The following PDE8A variants were observed in gnomAD, a reference collection of about 807,000 sequenced individuals.
PDE8A encodes the protein high affinity cAMP-specific and IBMX-insensitive 3',5'-cyclic phosphodiesterase 8A.
Under a neutral mutation model 105.0 loss-of-function variants are expected in PDE8A, and 59 were observed. The ratio of observed to expected loss-of-function variants is 0.56; its 90% CI spans 0.46 to 0.70. PDE8A has a LOEUF of 0.70. Ranked by LOEUF, PDE8A falls within the 30% of genes least tolerant of loss-of-function variation. PDE8A has a pLI of 0.00. For synonymous variants in PDE8A, 355 were observed against 371.9 expected (o/e 0.95, Z 0.52); for missense variants, 1,014 against 1,045.9 (o/e 0.97, Z 0.42).
intron 1 of PDE8A, among the ~76,000 whole-genome samples, chr15:85,036,278 A>G (rs1401051712): frequency 6.6e-6 from 1 of 152,064 alleles, no homozygotes; most frequent in South Asian, 2.1e-4. Context: ...TTCTACATCA[A>G]TTCAAAGACC....
rs1012112243 is a variant in PDE8A at position 85,095,603 on chromosome 15, A to G, written c.853-2345A>G. On this transcript the variant is annotated intron_variant, in intron 8 of 21. Transcript: ENST00000394553. Reference sequence around the variant, plus strand: ...TCGTGATCTGCCTGCCTCGGCCTCCAGAAGTGCTGGGATTACAGGCGTGAG... The same window carrying G: ...TCGTGATCTGCCTGCCTCGGCCTCCGGAAGTGCTGGGATTACAGGCGTGAG... Among the ~76,000 whole-genome samples the G allele has an allele frequency of 3.9e-5, 6 of 152,044 alleles. No homozygotes were observed. The East Asian group carries it at 7.8e-4, about 20-fold the overall frequency.
intron 17 of PDE8A, 82 bp from the exon 18 acceptor site, chr15:85,120,715 A>G: frequency 2.5e-6 from 2 of 802,822 alleles, no homozygotes; most frequent in Non-Finnish European, 4.0e-6. Flanking sequence ...CCTGAAAGTA[A>G]TAGGGGAGAA....
At chr15:85,043,149 C>G (rs1412004924) in intron 1 of PDE8A, among the ~76,000 whole-genome samples, 1 of 152,104 alleles carries the variant, frequency 6.6e-6, no homozygotes, top group South Asian at 2.1e-4. Context: ...GTAAATATTC[C>G]TGAAATAGAT....
At chr15:85,005,311 T>G (rs571688925) in intron 1 of PDE8A, among the ~76,000 whole-genome samples, 12 of 152,242 alleles carry the variant, frequency 7.9e-5, no homozygotes, top group African/African-American at 2.6e-4. Context: ...AGAAAGGTTC[T>G]CACTATATTG....
rs142262737 is a variant in PDE8A at position 85,129,191 on chromosome 15, C to G, written c.2253+2817C>G. On this transcript the variant is annotated intron_variant, in intron 20 of 21. Coordinates refer to ENST00000394553, the MANE Select transcript of PDE8A (RefSeq NM_002605.3). Reference sequence around the variant, plus strand: ...TTAAGGATTTGTGCATCAGTATTTACAGGGGATATTGGCCTGCAATTTTCT... The same window carrying G: ...TTAAGGATTTGTGCATCAGTATTTAGAGGGGATATTGGCCTGCAATTTTCT... Among the ~76,000 whole-genome samples, 744 of 152,264 alleles carry G rather than the reference C, an allele frequency of 4.9e-3. 1 individual carries two copies. The highest frequency in any genetic ancestry group is 9.9e-3 in the South Asian group (48 of 4,826).
intron 20 of PDE8A, among the ~76,000 whole-genome samples, chr15:85,135,151 T>C (rs2082388528): frequency 6.6e-6 from 1 of 152,110 alleles, no homozygotes; most frequent in Non-Finnish European, 1.5e-5. Context: ...GCGAGTGAGT[T>C]CTGCCAGCTA....
chr15:85,125,369 C>G (rs1395761656), intron 19 of PDE8A, among the ~76,000 whole-genome samples: 3 of 152,118 alleles, frequency 2.0e-5, no homozygotes. Context: ...GCTCTCTGCC[C>G]CAATACCCTC....
At chr15:85,122,181 C>T (rs1567301269) in intron 18 of PDE8A, among the ~76,000 whole-genome samples, 1 of 152,096 alleles carries the variant, frequency 6.6e-6, no homozygotes, top group Non-Finnish European at 1.5e-5. Context: ...GCACGTATCA[C>T]ATTTCTTATT....
chr15:85,023,686 G>A (rs923290496), intron 1 of PDE8A, among the ~76,000 whole-genome samples: 1 of 152,172 alleles, frequency 6.6e-6, no homozygotes, highest in African/African-American at 2.4e-5. Context: ...GGCTGATGAG[G>A]GGCTGGAGTG....
At position 85,121,024 on chromosome 15, in the gene PDE8A, A is replaced by G. The variant is rs998212522; in HGVS notation, c.1952+10A>G. The G allele has an allele frequency of 1.7e-5, 26 of 1,535,178 alleles. No individual in the cohort carries two copies. Among genetic ancestry groups the G allele is most frequent in the Admixed American group, 6.8e-5 (4 of 58,450 alleles). On this transcript the variant is annotated intron_variant, in intron 18 of 21. Coordinates refer to ENST00000394553, the MANE Select transcript of PDE8A (RefSeq NM_002605.3). ...TTAAAAACATGGAGAGGTAAGAACA[A>G]TGATTGGGAAGTGTGTTGATCCCTC...
intron 1 of PDE8A, among the ~76,000 whole-genome samples, chr15:85,045,521 C>T (rs980397110): frequency 2.0e-5 from 3 of 152,198 alleles, no homozygotes; most frequent in Admixed American, 1.3e-4. Flanking sequence ...AGTTAATGAG[C>T]TTACCTTGCT....
chr15:85,033,634 A>T (rs1489036196), intron 1 of PDE8A, among the ~76,000 whole-genome samples: 2 of 152,052 alleles, frequency 1.3e-5, no homozygotes, highest in Admixed American at 1.3e-4. Context: ...GGAGACTGAG[A>T]TGGGCAGATC....
At chr15:85,059,771 G>T (rs1396683284) in intron 1 of PDE8A, among the ~76,000 whole-genome samples, 2 of 152,142 alleles carry the variant, frequency 1.3e-5, no homozygotes, top group African/African-American at 4.8e-5. Context: ...TCTGTCTTTT[G>T]ATTGGAGAGT....
At chr15:85,069,498 C>A (rs1270533992) in intron 3 of PDE8A, among the ~76,000 whole-genome samples, 1 of 152,172 alleles carries the variant, frequency 6.6e-6, no homozygotes, top group East Asian at 1.9e-4. Context: ...TCCCCCCACC[C>A]CAGACATCTT....
At chr15:85,084,063 T>C (rs1293224318) in intron 6 of PDE8A, among the ~76,000 whole-genome samples, 1 of 152,024 alleles carries the variant, frequency 6.6e-6, no homozygotes, top group East Asian at 1.9e-4. Context: ...TTTGGTTTTT[T>C]TTTTTAAGTG....
chr15:85,120,611 C>T, intron 17 of PDE8A, 186 bp from the exon 18 acceptor site: 1 of 539,018 alleles, frequency 1.9e-6, no homozygotes, highest in Non-Finnish European at 3.3e-6. Context: ...GTGAGACTAA[C>T]AAATATGCAG....
At position 85,132,356 on chromosome 15, in the gene PDE8A, C is replaced by T. The variant is rs530103526; in HGVS notation, c.2254-4178C>T. Reference sequence around the variant, plus strand: ...GTGTATTGGTCCATTTGATGGTTTCCCATAAATTCATTAGGTTCTATTCAC... The same window carrying T: ...GTGTATTGGTCCATTTGATGGTTTCTCATAAATTCATTAGGTTCTATTCAC... On this transcript the variant is annotated intron_variant, in intron 20 of 21. Coordinates refer to ENST00000394553, the MANE Select transcript of PDE8A (RefSeq NM_002605.3). 2.0e-5 allele frequency among the ~76,000 whole-genome samples: 3 copies of T among 152,268 alleles called. No individual in the cohort carries two copies. In the East Asian group the frequency reaches 5.8e-4, roughly 29 times the overall value.
intron 7 of PDE8A, chr15:85,090,592 A>G (rs2081625243): frequency 4.3e-6 from 1 of 233,096 alleles, no homozygotes; most frequent in South Asian, 4.6e-5. Flanking sequence ...TATCCGGATA[A>G]GAGTCTCAGA....
intron 19 of PDE8A, 144 bp downstream of exon 19, chr15:85,123,337 T>TAC (rs58421452): frequency 0.057 from 18,608 of 328,502 alleles, 911 homozygotes; most frequent in Non-Finnish European, 0.069. Flanking sequence ...ACTAATGGGA[T>TAC]ACACACACAC....
Sources: gnomAD v4.1 joint callset for allele counts (sites outside exome capture counted in the v4.1 genomes callset) on GRCh38, gnomAD v4.1.1 for gene constraint, MANE v1.5 for transcripts, NCBI Gene and HGNC (gene_info 2026-07-23, HGNC 2026-07-21) for gene names.